DENND1B: variants seen among roughly 807,000 people sequenced by gnomAD.
DENND1B encodes DENN domain containing 1B.
In DENND1B, 59 loss-of-function variants were observed where a neutral mutation model predicts 90.1. The observed-to-expected ratio is 0.65, with a 90% CI of 0.53 to 0.81. The LOEUF (loss-of-function observed/expected upper bound fraction) is 0.81. Ranked by LOEUF, DENND1B falls within the 40% of genes least tolerant of loss-of-function variation. The probability of loss-of-function intolerance (pLI) is 0.00; values close to 1 mark genes in which losing one functional copy is unlikely to be tolerated. For synonymous variants in DENND1B, 337 were observed against 324.6 expected (o/e 1.04, Z -0.41); for missense variants, 862 against 912.6 (o/e 0.94, Z 0.71).
At chr1:197,567,170 G>A (rs931314962) in intron 15 of DENND1B, among the ~76,000 whole-genome samples, 16 of 152,156 alleles carry the variant, frequency 1.1e-4, no homozygotes, top group African/African-American at 3.9e-4. Flanking sequence ...AATTGGAAAT[G>A]GAAGAGGACA....
At chr1:197,522,542 GTTTAAT>G (rs1169105970) in intron 20 of DENND1B, among the ~76,000 whole-genome samples, 5 of 152,010 alleles carry the variant, frequency 3.3e-5, no homozygotes, top group African/African-American at 1.2e-4. Context: ...TAAAGGCAGT[GTTTAAT>G]TTTAAGTACA....
At chr1:197,571,395 T>C (rs890589121) in intron 15 of DENND1B, among the ~76,000 whole-genome samples, 1 of 152,222 alleles carries the variant, frequency 6.6e-6, no homozygotes, top group African/African-American at 2.4e-5. Context: ...ATTTCATTTA[T>C]TCGGATCTTA....
At position 197,592,517 on chromosome 1, in the gene DENND1B, G is replaced by C. The variant is rs1436441399; in HGVS notation, c.1047+2691C>G. ...AGTATAATTAATTCATAGAAAGAAG[G>C]GGTCAGTACAAACACAAACTACAGC... On this transcript the variant is annotated intron_variant, in intron 14 of 22. Coordinates refer to ENST00000620048, the MANE Select transcript of DENND1B (RefSeq NM_001195215.2). 2.6e-5 allele frequency among the ~76,000 whole-genome samples: 4 copies of C among 152,092 alleles called. 1 individual carries two copies. Among genetic ancestry groups the C allele is most frequent in the Admixed American group, 2.6e-4 (4 of 15,254 alleles).
intron 2 of DENND1B, among the ~76,000 whole-genome samples, chr1:197,755,275 C>T (rs754709897): frequency 1.1e-4 from 16 of 152,052 alleles, no homozygotes; most frequent in Non-Finnish European, 2.1e-4. Flanking sequence ...AATAGGAATA[C>T]GAGTATATAG....
chr1:197,733,556 A>T (rs1373054029), intron 2 of DENND1B, among the ~76,000 whole-genome samples: 1 of 152,146 alleles, frequency 6.6e-6, no homozygotes, highest in Non-Finnish European at 1.5e-5. Flanking sequence ...CGAGAACAAA[A>T]GCTCTGTCTT....
chr1:197,734,012 C>T, intron 2 of DENND1B: 1 of 827,154 alleles, frequency 1.2e-6, no homozygotes, highest in Non-Finnish European at 1.5e-6. Flanking sequence ...CAAAAAATTA[C>T]AAGAAATTAT....
chr1:197,525,962 TAAAG>T (rs1454732057), intron 20 of DENND1B, among the ~76,000 whole-genome samples: 1 of 152,100 alleles, frequency 6.6e-6, no homozygotes, highest in East Asian at 1.9e-4. Context: ...AGAAAAGCCA[TAAAG>T]AAACTTCAGA....
At chr1:197,651,066 G>C (rs1201901998) in intron 7 of DENND1B, among the ~76,000 whole-genome samples, 1 of 151,854 alleles carries the variant, frequency 6.6e-6, no homozygotes, top group Non-Finnish European at 1.5e-5. Context: ...TATTACCAAA[G>C]AAAATACAAT....
At chr1:197,512,742 G>T in intron 21 of DENND1B, 129 bp downstream of exon 21, 1 of 736,438 alleles carries the variant, frequency 1.4e-6, no homozygotes, top group Non-Finnish European at 2.2e-6. Context: ...GGGTCCTTTT[G>T]CTGAAGAACA....
intron 19 of DENND1B, among the ~76,000 whole-genome samples, chr1:197,540,321 C>A (rs116037315): frequency 5.9e-5 from 9 of 151,480 alleles, no homozygotes; most frequent in Non-Finnish European, 1.2e-4. Context: ...AATTAAAAAT[C>A]TTTGATTACT....
intron 2 of DENND1B, chr1:197,757,274 A>C (rs937318212): frequency 6.6e-6 from 1 of 152,158 alleles, no homozygotes; most frequent in African/African-American, 2.4e-5. Flanking sequence ...TCTAACTCCA[A>C]TCTAACTCTA....
chr1:197,629,084 G>C (rs1679075220), intron 10 of DENND1B, among the ~76,000 whole-genome samples: 1 of 152,188 alleles, frequency 6.6e-6, no homozygotes, highest in African/African-American at 2.4e-5. Flanking sequence ...TGGTGGGACT[G>C]TAAACTAGTT....
At chr1:197,580,076 TTTC>T (rs1432716059) in intron 15 of DENND1B, among the ~76,000 whole-genome samples, 88 of 124,536 alleles carry the variant, frequency 7.1e-4, no homozygotes, top group African/African-American at 2.5e-3. Context: ...TTTTCTTTCT[TTTC>T]TTTCTTTCTT....
At chr1:197,587,302 T>C (rs1288331212) in intron 14 of DENND1B, among the ~76,000 whole-genome samples, 2 of 152,118 alleles carry the variant, frequency 1.3e-5, no homozygotes, top group Non-Finnish European at 2.9e-5. Flanking sequence ...AGTAACCACG[T>C]AGAAACATAA....
intron 3 of DENND1B, among the ~76,000 whole-genome samples, chr1:197,709,759 C>G (rs1470627373): frequency 8.3e-6 from 1 of 120,794 alleles, no homozygotes; most frequent in African/African-American, 3.5e-5. Flanking sequence ...GGACTAAATT[C>G]TGCAATTAAA....
chr1:197,728,726 C>A (rs2102307274), intron 2 of DENND1B, among the ~76,000 whole-genome samples: 1 of 152,284 alleles, frequency 6.6e-6, no homozygotes, highest in Admixed American at 6.5e-5. Flanking sequence ...CTAAATTAAT[C>A]TTAAGAGTTC....
chr1:197,529,308 A>ATG (rs1191194115), intron 20 of DENND1B, among the ~76,000 whole-genome samples: 1 of 147,136 alleles, frequency 6.8e-6, no homozygotes, highest in Non-Finnish European at 1.5e-5. Flanking sequence ...ATGTGTATAT[A>ATG]TGTATATATA....
intron 3 of DENND1B, among the ~76,000 whole-genome samples, chr1:197,704,928 C>A (rs1365064581): frequency 2.6e-5 from 4 of 152,024 alleles, no homozygotes; most frequent in Non-Finnish European, 4.4e-5. Flanking sequence ...CTGCCTCTTA[C>A]AAGCACTGTG....
At chr1:197,601,359 G>A (rs1676194148) in intron 13 of DENND1B, among the ~76,000 whole-genome samples, 2 of 151,542 alleles carry the variant, frequency 1.3e-5, no homozygotes, top group Non-Finnish European at 3.0e-5. Context: ...CATTTAAAAG[G>A]TCACCAGGTC....
Sources: gnomAD v4.1 joint callset for allele counts (sites outside exome capture counted in the v4.1 genomes callset) on GRCh38, gnomAD v4.1.1 for gene constraint, MANE v1.5 for transcripts, NCBI Gene and HGNC (gene_info 2026-07-23, HGNC 2026-07-21) for gene names.